Variants in ZMYND11 observed in about 807,000 individuals in gnomAD.
ZMYND11 encodes the protein zinc finger MYND-type containing 11.
A neutral mutation model predicts 84.9 loss-of-function variants in ZMYND11; 9 were observed. The ratio of observed to expected loss-of-function variants is 0.11; its 90% CI spans 0.06 to 0.18. ZMYND11 has a LOEUF of 0.18. ZMYND11 is among the 10% of genes least tolerant of loss of function. The pLI, the probability that ZMYND11 is intolerant of heterozygous loss-of-function variation, is 1.00. For missense variants in ZMYND11, 409 were observed against 761.0 expected (o/e 0.54, Z 5.44); for synonymous variants, 250 against 244.1 (o/e 1.02, Z -0.23).
At chr10:211,961 T>C (rs1252987707) in intron 3 of ZMYND11, among the ~76,000 whole-genome samples, 2 of 152,312 alleles carry the variant, frequency 1.3e-5, no homozygotes, top group East Asian at 3.9e-4. Flanking sequence ...TAATGTAAAA[T>C]TTCTAATCTT....
chr10:225,171 A>G (rs1406278430), intron 4 of ZMYND11, among the ~76,000 whole-genome samples: 2 of 152,206 alleles, frequency 1.3e-5, no homozygotes, highest in South Asian at 2.1e-4. Context: ...TGGTAGGATA[A>G]GTTTATTAAC....
chr10:198,318 A>G (rs1371194735), intron 2 of ZMYND11, among the ~76,000 whole-genome samples: 1 of 152,158 alleles, frequency 6.6e-6, no homozygotes, highest in Non-Finnish European at 1.5e-5. Context: ...TGCATAAATA[A>G]TAGAGATCAA....
At chr10:140,784 A>C (rs1837326020) in intron 1 of ZMYND11, among the ~76,000 whole-genome samples, 1 of 152,242 alleles carries the variant, frequency 6.6e-6, no homozygotes, top group Admixed American at 6.5e-5. Context: ...TACTTAAGCT[A>C]TTCACACTAT....
chr10:180,052 G>A lies in ZMYND11; in HGVS notation c.40G>A (p.Ala14Thr), dbSNP rs1048801788. 1.2e-6 allele frequency: 2 copies of A among 1,613,600 alleles called. No individual in the cohort carries two copies. The highest frequency in any genetic ancestry group is 1.7e-6 in the Non-Finnish European group (2 of 1,179,764). ...LTKRRQADTK[A>T]IQHLWAAIEI... is the part of the protein sequence containing the mutation. Reference sequence around the variant, plus strand: ...AAAAAGACGACAGGCGGATACAAAAGCTATCCAGCATCTTTGGGCAGCCAT... The same window carrying A: ...AAAAAGACGACAGGCGGATACAAAAACTATCCAGCATCTTTGGGCAGCCAT... Residue 14 changes from alanine to threonine, a missense_variant, in exon 2 of 15, where the codon GCT (alanine) becomes ACT (threonine). Ala to Thr is a moderately conservative substitution (Grantham distance 58, BLOSUM62 0). Around this residue, in one of 7 missense-constraint regions of ZMYND11, gnomAD observed 73 missense variants for 185.8 expected, o/e 0.39. Transcript: ENST00000381604.
intron 1 of ZMYND11, among the ~76,000 whole-genome samples, chr10:174,144 G>C (rs1564316274): frequency 6.6e-6 from 1 of 152,284 alleles, no homozygotes; most frequent in East Asian, 1.9e-4. Flanking sequence ...CCAAAACTTA[G>C]AAGCAACCTT....
intron 8 of ZMYND11, 127 bp downstream of exon 8, chr10:240,238 G>C: frequency 2.6e-6 from 2 of 772,812 alleles, no homozygotes; most frequent in Non-Finnish European, 3.9e-6. Flanking sequence ...GGGCGTGGGG[G>C]CTCACGCCTG....
chr10:234,431 T>TTAG, intron 4 of ZMYND11, among the ~76,000 whole-genome samples: 1 of 152,328 alleles, frequency 6.6e-6, no homozygotes, highest in East Asian at 1.9e-4. Flanking sequence ...GTGCATGATA[T>TTAG]TTAGTGAATA....
At position 237,371 on chromosome 10, in the gene ZMYND11, C is replaced by T. The variant is rs563657532; in HGVS notation, c.517-214C>T. On this transcript the variant is annotated intron_variant, in intron 5 of 14. Coordinates refer to ENST00000381604, the MANE Select transcript of ZMYND11 (RefSeq NM_001370100.5). ...AAGGTAGAAAATATTGGCCGGGCGC[C>T]GTGGCTCCCGCCTGTAATCCCAGCA... 7.2e-5 allele frequency among the ~76,000 whole-genome samples: 11 copies of T among 152,098 alleles called. No individual in the cohort carries two copies. In the East Asian group the frequency reaches 9.6e-4, roughly 13 times the overall value.
intron 3 of ZMYND11, among the ~76,000 whole-genome samples, chr10:211,357 T>G (rs933875298): frequency 6.6e-6 from 1 of 152,136 alleles, no homozygotes; most frequent in African/African-American, 2.4e-5. Flanking sequence ...ACTTTGAGAG[T>G]GTTTTATCAT....
At chr10:150,321 T>C (rs1840020456) in intron 1 of ZMYND11, among the ~76,000 whole-genome samples, 1 of 152,246 alleles carries the variant, frequency 6.6e-6, no homozygotes, top group Admixed American at 6.5e-5. Flanking sequence ...GGATTCAGCT[T>C]CTTCCTGGTT....
In ZMYND11 at chr10:252,661, A is replaced by G; in HGVS notation, c.*191A>G. The G allele has an allele frequency of 1.8e-6, 1 of 563,480 alleles. No individual in the cohort carries two copies. The allele number at this position is 563,480 out of a possible 1,614,324, so 34.9% of individuals were successfully genotyped here. ...TCCTCCGAAGTTTTTCAGGGGGTAA[A>G]AGTAACATCAGTGGAGGGTATTATT... On this transcript the variant is annotated 3_prime_UTR_variant, in exon 15 of 15. Coordinates refer to ENST00000381604, the MANE Select transcript of ZMYND11 (RefSeq NM_001370100.5). The surrounding 1 kb of genome is among the most constrained non-coding windows in gnomAD (Gnocchi z 4.6).
chr10:135,770 G>T lies in ZMYND11; in HGVS notation c.-20+211G>T, dbSNP rs1366657904. 2.0e-5 allele frequency among the ~76,000 whole-genome samples: 3 copies of T among 146,942 alleles called. No individual in the cohort carries two copies. Among genetic ancestry groups the T allele is most frequent in the African/African-American group, 7.4e-5 (3 of 40,574 alleles). ...GGGCCGGGCCGGCGGGGCCTGCGAG[G>T]GCGGCGGCGGGGCCTGCGGAGGCTG... is the stretch of plus-strand genomic sequence containing the variant. On this transcript the variant is annotated intron_variant, in intron 1 of 14. Coordinates refer to ENST00000381604, the MANE Select transcript of ZMYND11 (RefSeq NM_001370100.5). The surrounding 1 kb of genome is among the most constrained non-coding windows in gnomAD (Gnocchi z 5.6).
At chr10:239,382 A>ACAG in intron 6 of ZMYND11, 56 bp from the exon 7 acceptor site, 1 of 1,423,068 alleles carries the variant, frequency 7.0e-7, no homozygotes, top group Non-Finnish European at 9.9e-7. Context: ...AACTTAGTCC[A>ACAG]GACAAGTATT....
intron 2 of ZMYND11, among the ~76,000 whole-genome samples, chr10:199,966 G>C (rs1328881770): frequency 6.6e-6 from 1 of 151,892 alleles, no homozygotes; most frequent in African/African-American, 2.4e-5. Context: ...CTGGGCTCAA[G>C]CAATCCTCCC....
At position 240,093 on chromosome 10, in the gene ZMYND11, T is replaced by C. The variant is rs1484780361; in HGVS notation, c.735T>C (p.Tyr245=). ...AAGCTGACATTGCGAGGATGCTATA[T>C]AAAGACACATGTCATGAGGTACTAT... ...SEQADIARML[Y]KDTCHELDEL... Residue 245 remains tyrosine, a synonymous_variant, in exon 8 of 15, where the codon TAT becomes TAC. Transcript: ENST00000381604. 6.2e-7 allele frequency: 1 copy of C among 1,611,692 alleles called. No individual in the cohort carries two copies. The highest frequency in any genetic ancestry group is 8.5e-7 in the Non-Finnish European group (1 of 1,178,832).
Position 171,388 on chromosome 10 carries a change from G to C in ZMYND11, c.-19-8606G>C, listed in dbSNP as rs184715212. Reference sequence around the variant, plus strand: ...CACACGTTCTTCTGAAGGTCACACAGAACATTCACCAACATAGACCACATT... The same window carrying C: ...CACACGTTCTTCTGAAGGTCACACACAACATTCACCAACATAGACCACATT... On this transcript the variant is annotated intron_variant, in intron 1 of 14. Coordinates refer to ENST00000381604, the MANE Select transcript of ZMYND11 (RefSeq NM_001370100.5). 3.3e-5 allele frequency among the ~76,000 whole-genome samples: 5 copies of C among 149,912 alleles called. No individual in the cohort carries two copies. In the East Asian group the frequency reaches 7.7e-4, roughly 23 times the overall value.
intron 2 of ZMYND11, among the ~76,000 whole-genome samples, chr10:207,716 A>C (rs1417490668): frequency 6.6e-6 from 1 of 152,226 alleles, no homozygotes; most frequent in Non-Finnish European, 1.5e-5. Flanking sequence ...AAATGGCCAT[A>C]CTGCCCAAGG....
chr10:234,218 AAACAAC>A (rs552516794), intron 4 of ZMYND11, among the ~76,000 whole-genome samples: 11 of 152,230 alleles, frequency 7.2e-5, no homozygotes, highest in Non-Finnish European at 1.3e-4. Context: ...CGCAGAAAGG[AAACAAC>A]AACAACAGCA....
chr10:203,460 A>G (rs1943595333), intron 2 of ZMYND11, among the ~76,000 whole-genome samples: 2 of 152,210 alleles, frequency 1.3e-5, no homozygotes, highest in South Asian at 4.1e-4. Context: ...TATATAAATA[A>G]ATGAGCATAT....
Sources: gnomAD v4.1 joint callset for allele counts (sites outside exome capture counted in the v4.1 genomes callset) on GRCh38, gnomAD v4.1.1 for gene constraint, gnomAD v4.1.1 regional missense constraint, Gnocchi (gnomAD v3.1) non-coding constraint, MANE v1.5 for transcripts, NCBI Gene and HGNC (gene_info 2026-07-23, HGNC 2026-07-21) for gene names.